Variants in AGRN observed in about 807,000 individuals in gnomAD.
The protein encoded by AGRN is agrin, also known as agrin proteoglycan.
In AGRN, 106 loss-of-function variants were observed where a neutral mutation model predicts 211.0. The ratio of observed to expected loss-of-function variants is 0.50; its 90% CI spans 0.43 to 0.59. AGRN has a LOEUF of 0.59. AGRN is among the 20% of genes least tolerant of loss of function. AGRN has a pLI of 0.00. For synonymous variants in AGRN, 1,525 were observed against 1,332.5 expected (o/e 1.14, Z -3.15); for missense variants, 3,040 against 2,982.6 (o/e 1.02, Z -0.45).
rs943222540 is a variant in AGRN at position 1,043,826 on chromosome 1, C to T, written c.1802C>T (p.Thr601Ile). Residue 601 changes from threonine to isoleucine, a missense_variant, in exon 10 of 36, where the codon ACC (threonine) becomes ATC (isoleucine). Transcript: ENST00000379370. ...LHVASAGPCE[T>I]CGDAVCAFGA... ...TGCCTGGCTCTGTCTCCTGCAGAGA[C>T]CTGTGGAGATGCCGTGTGTGCTTTT... The T allele has an allele frequency of 2.5e-6, 4 of 1,610,828 alleles. No homozygotes were observed. In the African/African-American group the frequency reaches 5.3e-5, roughly 22 times the overall value.
Position 1,050,822 on chromosome 1 carries a change from G to T in AGRN, c.5238G>T (p.Val1746=), listed in dbSNP as rs1645262717. Residue 1746 remains valine (V), a synonymous_variant, in exon 30 of 36, where the codon GTG becomes GTT. Transcript: ENST00000379370. Reference sequence around the variant, plus strand: ...TGCGTGTGGGCGACGGCCCCCGTGTGTTGGGGGAGTCCCCGGTGAGTGCTC... The same window carrying T: ...TGCGTGTGGGCGACGGCCCCCGTGTTTTGGGGGAGTCCCCGGTGAGTGCTC... The part of the protein sequence containing the change: ...GALRVGDGPR[V]LGESPVPHTV... 2 of 1,583,012 alleles carry T rather than the reference G, an allele frequency of 1.3e-6. No homozygotes were observed. The highest frequency in any genetic ancestry group is 1.1e-5 in the South Asian group (1 of 87,854).
chr1:1,048,419 AT>A lies in AGRN; in HGVS notation c.4105+56del. ...GGGAGGCAGCAGGGTGGGGGCAAGGATTGGGGGTGGGGCTAAGCCACCATCA... is the reference window on the plus strand; with the variant it reads ...GGGAGGCAGCAGGGTGGGGGCAAGGATGGGGGTGGGGCTAAGCCACCATCA... On this transcript the variant is annotated intron_variant, in intron 23 of 35. Coordinates refer to ENST00000379370, the MANE Select transcript of AGRN (RefSeq NM_198576.4). The surrounding 1 kb of genome is among the most constrained non-coding windows in gnomAD (Gnocchi z 5.9). 1 of 749,228 alleles carries A rather than the reference AT, an allele frequency of 1.3e-6. No homozygotes were observed. Among genetic ancestry groups the A allele is most frequent in the Non-Finnish European group, 2.1e-6 (1 of 472,202 alleles). The allele number at this position is 749,228 out of a possible 1,614,324, so 46.4% of individuals were successfully genotyped here.
In AGRN at chr1:1,049,033, G is replaced by A. The variant is rs201470321; in HGVS notation, c.4272G>A (p.Ala1424=). The A allele has an allele frequency of 7.2e-4, 1,134 of 1,571,156 alleles. No individual in the cohort carries two copies. The highest frequency in any genetic ancestry group is 8.6e-4 in the Non-Finnish European group (998 of 1,160,430). ...NARGKDFLAL[A]LLDGRVQLRF... is the part of the protein sequence containing the mutation. ...GGGGCAAGGACTTCCTGGCATTGGCGCTGCTAGATGGCCGCGTGCAGCTCA... is the reference window on the plus strand; with the variant it reads ...GGGGCAAGGACTTCCTGGCATTGGCACTGCTAGATGGCCGCGTGCAGCTCA... Residue 1424 remains alanine (A), a synonymous_variant, in exon 24 of 36, where the codon GCG becomes GCA. Coordinates refer to ENST00000379370, the MANE Select transcript of AGRN (RefSeq NM_198576.4).
At position 1,049,111 on chromosome 1, in the gene AGRN, C is replaced by CGGG. The variant is rs754994713; in HGVS notation, c.4298+53_4298+55dup. ...GCAGCTCAGGTGGGCGGGGAGGGGA[C>CGGG]GGGCGGGGGAGGGGGGGCCGGGGCA... is the stretch of plus-strand genomic sequence containing the variant. On this transcript the variant is annotated intron_variant, in intron 24 of 35. Coordinates refer to ENST00000379370, the MANE Select transcript of AGRN (RefSeq NM_198576.4). 4.4e-4 allele frequency: 151 copies of CGGG among 342,404 alleles called. 2 individuals are homozygous for CGGG. The highest frequency in any genetic ancestry group is 2.6e-3 in the South Asian group (99 of 37,668). The allele number at this position is 342,404 out of a possible 1,614,324, so 21.2% of individuals were successfully genotyped here.
In AGRN at chr1:1,049,317, C is replaced by A; in HGVS notation, c.4380C>A (p.Ser1460=). ...EPGQWHRLEL[S]RHWRRGTLSV... ...GCCAGTGGCACCGCCTGGAGCTGTC[C>A]CGGCACTGGCGCCGGGGCACCCTCT... The change falls in exon 25 of 36, where the codon TCC becomes TCA. Residue 1460 remains serine, a synonymous_variant. Transcript: ENST00000379370. The A allele has an allele frequency of 6.3e-7, 1 of 1,597,586 alleles. No individual in the cohort carries two copies.
rs2100597297 is a variant in AGRN at position 1,032,158 on chromosome 1, T to C, written c.464-3119T>C. ...CAGGGGTGGGTCTCCAAGTGCTTCCTTTGACAGCTGCTCTGGATGGGACGT... is the reference window on the plus strand; with the variant it reads ...CAGGGGTGGGTCTCCAAGTGCTTCCCTTGACAGCTGCTCTGGATGGGACGT... On this transcript the variant is annotated intron_variant, in intron 2 of 35. Coordinates refer to ENST00000379370, the MANE Select transcript of AGRN (RefSeq NM_198576.4). This position sits in a 1 kb window ranked among gnomAD's most constrained non-coding sequence, Gnocchi z 4.7. Among the ~76,000 whole-genome samples the C allele has an allele frequency of 6.6e-6, 1 of 152,268 alleles. No homozygotes were observed. The highest frequency in any genetic ancestry group is 1.5e-5 in the Non-Finnish European group (1 of 68,006).
rs778020269 is a variant in AGRN, at chr1:1,049,884, C to T, written c.4745-19C>T. ...CGCCTCCTGGGACCTCGGTCCCGGTCCCGTCTTCCTCCATCCAGGACCAAC... is the reference window on the plus strand; with the variant it reads ...CGCCTCCTGGGACCTCGGTCCCGGTTCCGTCTTCCTCCATCCAGGACCAAC... On this transcript the variant is annotated intron_variant, in intron 26 of 35. Coordinates refer to ENST00000379370, the MANE Select transcript of AGRN (RefSeq NM_198576.4). 7 of 1,611,062 alleles carry T rather than the reference C, an allele frequency of 4.3e-6. No homozygotes were observed. In the South Asian group the frequency reaches 6.6e-5, roughly 15 times the overall value.
chr1:1,052,632 G>A (rs1645335367), intron 33 of AGRN: 1 of 170,212 alleles, frequency 5.9e-6, no homozygotes, highest in Non-Finnish European at 1.2e-5. Flanking sequence ...AGGTGAGGGA[G>A]ACATGCATGT....
chr1:1,045,911 G>A, intron 15 of AGRN, 35 bp downstream of exon 15: 1 of 1,610,614 alleles, frequency 6.2e-7, no homozygotes, highest in Non-Finnish European at 8.5e-7. Context: ...GGGGCTTCAT[G>A]GGGTGGGGTG....
intron 7 of AGRN, 104 bp downstream of exon 7, chr1:1,042,266 C>G: frequency 7.3e-7 from 1 of 1,378,124 alleles, no homozygotes; most frequent in Non-Finnish European, 9.8e-7. Flanking sequence ...TCTTGGGGTC[C>G]TGGGAGTGGG....
chr1:1,048,642 C>T lies in AGRN; in HGVS notation c.4106-225C>T, dbSNP rs546964783. ...AAAATTAGCCGGGCGTGGTGGTGGGCGCCTGTAATCCCACCTCGTGAGGCT... is the reference window on the plus strand; with the variant it reads ...AAAATTAGCCGGGCGTGGTGGTGGGTGCCTGTAATCCCACCTCGTGAGGCT... On this transcript the variant is annotated intron_variant, in intron 23 of 35. Coordinates refer to ENST00000379370, the MANE Select transcript of AGRN (RefSeq NM_198576.4). The surrounding 1 kb of genome is among the most constrained non-coding windows in gnomAD (Gnocchi z 5.9). The T allele has an allele frequency of 8.4e-5, 51 of 607,626 alleles. No homozygotes were observed. Among genetic ancestry groups the T allele is most frequent in the South Asian group, 8.3e-4 (38 of 45,802 alleles). The allele number at this position is 607,626 out of a possible 1,614,324, so 37.6% of individuals were successfully genotyped here. A position where few individuals can be genotyped will look rare whatever the true frequency, so the allele number is the denominator to read the frequency against.
intron 2 of AGRN, among the ~76,000 whole-genome samples, chr1:1,029,042 C>T (rs1644587170): frequency 8.2e-6 from 1 of 121,618 alleles, no homozygotes; most frequent in African/African-American, 3.0e-5. Context: ...CGCCCACACC[C>T]ACGCCACCCT....
intron 2 of AGRN, chr1:1,034,771 TG>T (rs1644760695): frequency 1.0e-6 from 1 of 999,362 alleles, no homozygotes; most frequent in African/African-American, 1.7e-5. Context: ...ACATAGAGGC[TG>T]GAGGCCGCGG....
At chr1:1,047,030 G>T in intron 19 of AGRN, 73 bp downstream of exon 19, 1 of 1,544,630 alleles carries the variant, frequency 6.5e-7, no homozygotes, top group Non-Finnish European at 8.7e-7. Flanking sequence ...CCTCGCCTGG[G>T]CAGCAGGTCA....
At chr1:1,047,093 G>A in intron 19 of AGRN, 136 bp downstream of exon 19, 10 of 1,435,806 alleles carry the variant, frequency 7.0e-6, no homozygotes, top group Non-Finnish European at 8.4e-6. Context: ...GTGCGTGCCG[G>A]GGACCCCACG....
At chr1:1,038,323 G>A (rs1358704264) in intron 3 of AGRN, among the ~76,000 whole-genome samples, 1 of 152,182 alleles carries the variant, frequency 6.6e-6, no homozygotes, top group Non-Finnish European at 1.5e-5. Flanking sequence ...GTCCCGCCAG[G>A]TACCCAAGGT....
At chr1:1,047,072 C>T in intron 19 of AGRN, 115 bp downstream of exon 19, 1 of 1,490,872 alleles carries the variant, frequency 6.7e-7, no homozygotes, top group Non-Finnish European at 9.0e-7. Context: ...GGACTCGGCC[C>T]CCTCAAACAT....
At chr1:1,035,354 A>G (rs1644778933) in intron 3 of AGRN, 30 bp downstream of exon 3, 1 of 1,612,528 alleles carries the variant, frequency 6.2e-7, no homozygotes, top group Non-Finnish European at 8.5e-7. Flanking sequence ...GGGGACCTGG[A>G]TGGGCTGTGG....
chr1:1,049,360 CCT>C lies in AGRN; in HGVS notation c.4424_4425del (p.Pro1475ArgfsTer113). On this transcript the variant is annotated frameshift_variant, in exon 25 of 36. Transcript: ENST00000379370. LOFTEE classifies it high-confidence loss of function. ...CACCCTCTCGGTGGATGGTGAGACC[CCT>C]GTTCTGGGCGAGAGTCCCAGTGGCA... ...RGTLSVDGET[P>X]VLGESPSGTD... The C allele has an allele frequency of 6.3e-7, 1 of 1,598,212 alleles. No homozygotes were observed. Among genetic ancestry groups the C allele is most frequent in the Non-Finnish European group, 8.5e-7 (1 of 1,179,566 alleles).
Sources: gnomAD v4.1 joint callset for allele counts (sites outside exome capture counted in the v4.1 genomes callset) on GRCh38, gnomAD v4.1.1 for gene constraint, Gnocchi (gnomAD v3.1) non-coding constraint, MANE v1.5 for transcripts, NCBI Gene and HGNC (gene_info 2026-07-23, HGNC 2026-07-21) for gene names.